TRIM14: variants seen among roughly 807,000 people sequenced by gnomAD.
TRIM14 encodes the protein tripartite motif-containing protein 14.
TRIM14 carries 28 observed loss-of-function variants against 44.5 expected under a neutral mutation model. The ratio of observed to expected loss-of-function variants is 0.63; its 90% confidence interval spans 0.47 to 0.86. TRIM14 has a LOEUF of 0.86. Ranked by LOEUF, TRIM14 falls within the 40% of genes least tolerant of loss-of-function variation. TRIM14 has a pLI of 0.00. For synonymous variants in TRIM14, 299 were observed against 269.2 expected (o/e 1.11, Z -1.08); for missense variants, 607 against 611.1 (o/e 0.99, Z 0.07).
chr9:98,063,010 C>T, the TRIM14 span, among the ~76,000 whole-genome samples: 2 of 151,824 alleles, frequency 1.3e-5, no homozygotes, highest in African/African-American at 2.4e-5. Flanking sequence ...GATCTCGGCT[C>T]GCTGCAACCC....
chr9:98,070,284 A>AT (rs1178818284), intron 6 of TRIM14, among the ~76,000 whole-genome samples: 1 of 151,602 alleles, frequency 6.6e-6, no homozygotes, highest in East Asian at 1.9e-4. Flanking sequence ...TGCCCAGCTA[A>AT]TTTTTGTATT....
At chr9:98,037,911 T>C in the TRIM14 span, among the ~76,000 whole-genome samples, 1 of 152,164 alleles carries the variant, frequency 6.6e-6, no homozygotes, top group Non-Finnish European at 1.5e-5. Flanking sequence ...CTTGTTTTTC[T>C]TTGAGATGGG....
At position 98,087,912 on chromosome 9, in the gene TRIM14, C is replaced by A; in HGVS notation, c.887G>T (p.Ser296Ile). 6.4e-7 allele frequency: 1 copy of A among 1,568,742 alleles called. No individual in the cohort carries two copies. The highest frequency in any genetic ancestry group is 1.4e-5 in the African/African-American group (1 of 71,270). ...RLTVRCGLLG[S>I]LGPVPVLRFD... ...CCGCAGCACGGGCACGGGCCCCAGG[C>A]TGCCCAGCAGGCCGCAGCGCACCGT... is the stretch of plus-strand genomic sequence containing the variant. Residue 296 changes from serine to isoleucine, a missense_variant, in exon 6 of 6, where the codon AGC becomes ATC. Transcript: ENST00000341469.
the TRIM14 span, chr9:98,056,668 T>G: frequency 7.7e-7 from 1 of 1,298,566 alleles, no homozygotes; most frequent in South Asian, 1.5e-5. Flanking sequence ...GCCTAGGGGA[T>G]TGGCTGCCCG....
At chr9:98,044,813 C>G in the TRIM14 span, among the ~76,000 whole-genome samples, 7 of 152,124 alleles carry the variant, frequency 4.6e-5, no homozygotes, top group African/African-American at 1.7e-4. Flanking sequence ...GGAGAAGACC[C>G]TTTAGAATGC....
the TRIM14 span, among the ~76,000 whole-genome samples, chr9:98,043,823 G>A: frequency 6.6e-6 from 1 of 151,650 alleles, no homozygotes; most frequent in Non-Finnish European, 1.5e-5. Context: ...GAGAGAAAGA[G>A]AACTTAGAAA....
At chr9:98,060,037 A>G in the TRIM14 span, among the ~76,000 whole-genome samples, 1 of 152,198 alleles carries the variant, frequency 6.6e-6, no homozygotes, top group South Asian at 2.1e-4. Context: ...GGAGAAACTG[A>G]GTCCAGAGCT....
At chr9:98,066,134 A>T (rs1438873798), downstream of TRIM14, among the ~76,000 whole-genome samples, 1 of 152,168 alleles carries the variant, frequency 6.6e-6, no homozygotes, top group Non-Finnish European at 1.5e-5. Flanking sequence ...CTAGTGTTGA[A>T]TCCATAGTAA....
intron 5 of TRIM14, among the ~76,000 whole-genome samples, chr9:98,090,745 G>A (rs1030469570): frequency 1.3e-5 from 2 of 151,978 alleles, no homozygotes; most frequent in Non-Finnish European, 2.9e-5. Context: ...TGTATTTTTA[G>A]TGGAGACAGG....
chr9:98,092,717 T>A (rs1476822297), intron 4 of TRIM14, among the ~76,000 whole-genome samples: 2 of 152,232 alleles, frequency 1.3e-5, no homozygotes, highest in Non-Finnish European at 2.9e-5. Context: ...AATCACCAAG[T>A]TTTGGCCAAT....
At chr9:98,094,301 G>A (rs1048648178) in intron 4 of TRIM14, among the ~76,000 whole-genome samples, 1 of 152,116 alleles carries the variant, frequency 6.6e-6, no homozygotes, top group African/African-American at 2.4e-5. Context: ...GGCCCTGGGG[G>A]GACCTCAGAG....
intron 1 of TRIM14, among the ~76,000 whole-genome samples, chr9:98,112,987 A>T (rs1826908535): frequency 1.3e-5 from 2 of 150,368 alleles, no homozygotes; most frequent in African/African-American, 4.9e-5. Flanking sequence ...GGTGTTGTGC[A>T]CCTGTAGTCC....
chr9:98,087,471 T>C lies in TRIM14; in HGVS notation c.1328A>G (p.Ter443TrpextTer6). The C allele has an allele frequency of 1.2e-6, 2 of 1,605,088 alleles. No individual in the cohort carries two copies. Among genetic ancestry groups the C allele is most frequent in the Non-Finnish European group, 1.7e-6 (2 of 1,175,020 alleles). ...EGAISIPRLP[*>W] ...AGGCTGTCACGCCGGTCCTGGCCCC[T>C]AGGGCAGCCGGGGGATGCTGATGGC... Residue 443 changes from the stop codon to tryptophan, a stop_lost, in exon 6 of 6, where the codon TAG (stop) becomes TGG (tryptophan). Coordinates refer to ENST00000341469, the MANE Select transcript of TRIM14 (RefSeq NM_014788.4).
downstream of TRIM14, chr9:98,080,747 C>A: frequency 1.3e-6 from 2 of 1,503,694 alleles, no homozygotes; most frequent in Non-Finnish European, 8.9e-7. Flanking sequence ...CAACCAGATA[C>A]GCTTCACCTG....
the TRIM14 span, among the ~76,000 whole-genome samples, chr9:98,044,310 T>C: frequency 6.6e-6 from 1 of 151,428 alleles, no homozygotes; most frequent in Non-Finnish European, 1.5e-5. Flanking sequence ...GACACTCCCA[T>C]GTGGCCCCCG....
rs749950072 is a variant in TRIM14, at chr9:98,087,801, G to C, written c.998C>G (p.Ala333Gly). ...YWEVDVQEAG[A>G]GWWVGAAYAS... ...GTAGGCCGCGCCCACCCACCAGCCG[G>C]CGCCCGCCTCCTGCACGTCAACCTC... The change falls in exon 6 of 6, where the codon GCC (alanine) becomes GGC (glycine). Residue 333 changes from alanine to glycine, a missense_variant. Physicochemically the swap from Ala to Gly is moderately conservative, Grantham distance 60 (BLOSUM62 0). Around this residue, in one of 3 missense-constraint regions of TRIM14, gnomAD observed 356 missense variants for 323.0 expected, o/e 1.10. Transcript: ENST00000341469. 10 of 1,506,060 alleles carry C rather than the reference G, an allele frequency of 6.6e-6. No homozygotes were observed. The highest frequency in any genetic ancestry group is 7.9e-6 in the Non-Finnish European group (9 of 1,138,638). The allele number at this position is 1,506,060 out of a possible 1,614,324, so 93.3% of individuals were successfully genotyped here.
chr9:98,080,833 T>C, downstream of TRIM14: 4 of 1,586,286 alleles, frequency 2.5e-6, no homozygotes, highest in Non-Finnish European at 2.6e-6. Flanking sequence ...AGAAGCTCTT[T>C]CCTGACATTC....
At chr9:98,041,677 G>T in the TRIM14 span, among the ~76,000 whole-genome samples, 1 of 149,988 alleles carries the variant, frequency 6.7e-6, no homozygotes, top group African/African-American at 2.5e-5. Flanking sequence ...TTTGTTTTTT[G>T]TTTTTGTTTT....
At chr9:98,109,775 C>A in intron 2 of TRIM14, 114 bp downstream of exon 2, 1 of 804,936 alleles carries the variant, frequency 1.2e-6, no homozygotes. Flanking sequence ...CAGGCCCCAC[C>A]ATCTGCCCCT....
Sources: allele counts gnomAD v4.1 joint callset (sites outside exome capture counted in the v4.1 genomes callset), GRCh38; gene constraint gnomAD v4.1.1; regional missense constraint gnomAD v4.1.1; transcripts MANE v1.5; gene names NCBI Gene and HGNC (gene_info 2026-07-23, HGNC 2026-07-21).